Variants in FAXC observed in about 807,000 individuals in gnomAD.
The protein encoded by FAXC is failed axon connections homolog.
Under a neutral mutation model 41.9 loss-of-function variants are expected in FAXC, and 10 were observed. The observed-to-expected ratio is 0.24, with a 90% confidence interval of 0.15 to 0.41. FAXC has a LOEUF of 0.41. Ranked by LOEUF, FAXC falls within the 10% of genes least tolerant of loss-of-function variation. FAXC has a pLI of 1.00. For missense variants in FAXC, 399 were observed against 510.9 expected (o/e 0.78, Z 2.11); for synonymous variants, 183 against 183.8 (o/e 1.00, Z 0.03).
intron 4 of FAXC, among the ~76,000 whole-genome samples, chr6:99,316,686 C>T (rs1452533874): frequency 6.6e-6 from 1 of 152,218 alleles, no homozygotes; most frequent in Non-Finnish European, 1.5e-5. Context: ...ACCCCAAAGG[C>T]ATTTCTGGGT....
chr6:99,288,599 T>C (rs1407133000), intron 5 of FAXC, among the ~76,000 whole-genome samples: 1 of 152,236 alleles, frequency 6.6e-6, no homozygotes, highest in Non-Finnish European at 1.5e-5. Flanking sequence ...ATATTTAGTT[T>C]AGAGAAGTTC....
intron 5 of FAXC, among the ~76,000 whole-genome samples, chr6:99,283,763 A>G (rs1205219928): frequency 6.6e-6 from 1 of 152,144 alleles, no homozygotes; most frequent in Non-Finnish European, 1.5e-5. Context: ...AAAAAAAAAT[A>G]TCTAATTGGG....
At chr6:99,293,829 T>C (rs112420028) in intron 4 of FAXC, among the ~76,000 whole-genome samples, 5 of 152,094 alleles carry the variant, frequency 3.3e-5, no homozygotes, top group Non-Finnish European at 7.4e-5. Context: ...ATTTACTACA[T>C]GCCTGGCCTG....
At chr6:99,331,638 T>G (rs189977645) in intron 3 of FAXC, among the ~76,000 whole-genome samples, 72 of 152,298 alleles carry the variant, frequency 4.7e-4, no homozygotes, top group Middle Eastern at 6.8e-3. Flanking sequence ...ACAACTAAAA[T>G]GTATGGCTTT....
intron 3 of FAXC, among the ~76,000 whole-genome samples, chr6:99,327,028 G>GA (rs1248123009): frequency 1.8e-4 from 27 of 152,268 alleles, no homozygotes; most frequent in Non-Finnish European, 3.4e-4. Context: ...CACAGAAGAC[G>GA]AAACACTGGC....
rs772266928 is a variant in FAXC, at chr6:99,274,297, A to C, written c.*6867T>G. On this transcript the variant is annotated 3_prime_UTR_variant, in exon 6 of 6. Coordinates refer to ENST00000389677, the MANE Select transcript of FAXC (RefSeq NM_032511.4). ...ATATCCATAGACAATCCTTCCCTAC[A>C]TAGATTGCACTTGTTTTTGATTTAT... 4.6e-5 allele frequency: 7 copies of C among 152,164 alleles called. No individual in the cohort carries two copies. The highest frequency in any genetic ancestry group is 1.7e-4 in the African/African-American group (7 of 41,452). 9.4% of individuals were successfully genotyped at this position (152,164 alleles called of 1,614,324 possible). A position where few individuals can be genotyped will look rare whatever the true frequency, so the allele number is the denominator to read the frequency against.
At chr6:99,289,438 G>A (rs1771147362) in intron 5 of FAXC, among the ~76,000 whole-genome samples, 1 of 152,066 alleles carries the variant, frequency 6.6e-6, no homozygotes, top group Non-Finnish European at 1.5e-5. Context: ...ATCACTTGAG[G>A]CCAGGATGTC....
intron 2 of FAXC, among the ~76,000 whole-genome samples, chr6:99,333,924 A>G (rs1773123258): frequency 1.3e-5 from 2 of 152,340 alleles, no homozygotes; most frequent in South Asian, 2.1e-4. Context: ...CAAAAAGTCA[A>G]TATAAACCAC....
intron 2 of FAXC, among the ~76,000 whole-genome samples, chr6:99,335,970 A>AG (rs1168087813): frequency 6.6e-6 from 1 of 152,234 alleles, no homozygotes; most frequent in African/African-American, 2.4e-5. Context: ...TTAAAAAAAA[A>AG]GAGACTTACA....
rs768924602 is a variant in FAXC, at chr6:99,341,052, C to T, written c.402+1846G>A. 7.2e-5 allele frequency among the ~76,000 whole-genome samples: 11 copies of T among 152,062 alleles called. No individual in the cohort carries two copies. The East Asian group carries it at 7.7e-4, about 11-fold the overall frequency. ...AAGAAAGGAAGAGACCCAAGGTACA[C>T]GTAAACTGCTAATGTGTTTGTATTA... On this transcript the variant is annotated intron_variant, in intron 2 of 5. Coordinates refer to ENST00000389677, the MANE Select transcript of FAXC (RefSeq NM_032511.4).
chr6:99,283,942 T>C (rs1239953282), intron 5 of FAXC, among the ~76,000 whole-genome samples: 1 of 152,208 alleles, frequency 6.6e-6, no homozygotes, highest in Non-Finnish European at 1.5e-5. Context: ...ATGGCCTTTC[T>C]TTCTACAGGC....
chr6:99,291,136 A>G (rs1771223058), intron 5 of FAXC, among the ~76,000 whole-genome samples: 1 of 152,208 alleles, frequency 6.6e-6, no homozygotes, highest in Non-Finnish European at 1.5e-5. Flanking sequence ...TGAATGATCT[A>G]TAGCCACTCT....
At chr6:99,326,083 G>A (rs1032700581) in intron 3 of FAXC, among the ~76,000 whole-genome samples, 7 of 152,346 alleles carry the variant, frequency 4.6e-5, no homozygotes, top group South Asian at 2.1e-4. Flanking sequence ...GGCTGGAGGC[G>A]CCGGCAAGGG....
chr6:99,308,913 T>C (rs1470116380), intron 4 of FAXC, among the ~76,000 whole-genome samples: 2 of 152,236 alleles, frequency 1.3e-5, no homozygotes, highest in Non-Finnish European at 2.9e-5. Context: ...AGTTGAATCA[T>C]TTAAATAAAT....
At chr6:99,343,115 G>A in intron 1 of FAXC, 82 bp from the exon 2 acceptor site, 4 of 1,250,052 alleles carry the variant, frequency 3.2e-6, no homozygotes, top group Middle Eastern at 2.0e-4. Context: ...GGACCCTGCA[G>A]GGTTGTAGCT....
At chr6:99,290,434 G>A (rs1771196222) in intron 5 of FAXC, among the ~76,000 whole-genome samples, 1 of 152,006 alleles carries the variant, frequency 6.6e-6, no homozygotes, top group African/African-American at 2.4e-5. Flanking sequence ...GGGCGTGGTG[G>A]CTCATGCCTG....
chr6:99,290,634 G>A (rs1473738054), intron 5 of FAXC, among the ~76,000 whole-genome samples: 6 of 151,134 alleles, frequency 4.0e-5, no homozygotes, highest in Non-Finnish European at 7.4e-5. Flanking sequence ...CCCGGGAGGC[G>A]GAGGTTGTAG....
In FAXC at chr6:99,328,040, A is replaced by G. The variant is rs148361704; in HGVS notation, c.600-4373T>C. Among the ~76,000 whole-genome samples the G allele has an allele frequency of 1.4e-3, 210 of 152,262 alleles. 1 individual carries two copies. The highest frequency in any genetic ancestry group is 4.6e-3 in the African/African-American group (193 of 41,530). ...CATAAGAGTAATGCTTCTTAGAGTCATTCATTAATACCCCACAGCTCCTTT... is the reference window on the plus strand; with the variant it reads ...CATAAGAGTAATGCTTCTTAGAGTCGTTCATTAATACCCCACAGCTCCTTT... On this transcript the variant is annotated intron_variant, in intron 3 of 5. Coordinates refer to ENST00000389677, the MANE Select transcript of FAXC (RefSeq NM_032511.4).
intron 1 of FAXC, among the ~76,000 whole-genome samples, chr6:99,346,509 C>T (rs1393930702): frequency 6.6e-6 from 1 of 152,166 alleles, no homozygotes; most frequent in Non-Finnish European, 1.5e-5. Flanking sequence ...GCCTCAGCTC[C>T]CCGAGTAGCT....
Sources: gnomAD v4.1 joint callset for allele counts (sites outside exome capture counted in the v4.1 genomes callset) on GRCh38, gnomAD v4.1.1 for gene constraint, MANE v1.5 for transcripts, NCBI Gene and HGNC (gene_info 2026-07-23, HGNC 2026-07-21) for gene names.